FTO: variants seen among roughly 807,000 people sequenced by gnomAD.
FTO encodes FTO alpha-ketoglutarate dependent dioxygenase, also known as alpha-ketoglutarate-dependent dioxygenase FTO.
A neutral mutation model predicts 63.9 loss-of-function variants in FTO; 47 were observed. The ratio of observed to expected loss-of-function variants is 0.74; its 90% CI spans 0.58 to 0.94. FTO has a LOEUF of 0.94. FTO is among the 40% of genes least tolerant of loss of function. The pLI, the probability that FTO is intolerant of heterozygous loss-of-function variation, is 0.00. For missense variants in FTO, 562 were observed against 618.1 expected (o/e 0.91, Z 0.96); for synonymous variants, 207 against 224.4 (o/e 0.92, Z 0.69).
chr16:54,025,291 C>A (rs1171489694), intron 8 of FTO, among the ~76,000 whole-genome samples: 1 of 152,190 alleles, frequency 6.6e-6, no homozygotes, highest in African/African-American at 2.4e-5. Context: ...CAAAGGTACA[C>A]CAAACTTCTT....
intron 1 of FTO, among the ~76,000 whole-genome samples, chr16:53,706,841 T>C (rs779610633): frequency 1.3e-5 from 2 of 152,238 alleles, no homozygotes; most frequent in Non-Finnish European, 2.9e-5. Context: ...GGATTGTTTC[T>C]GGTTTTGGAC....
At chr16:54,049,029 T>C (rs1390933575) in intron 8 of FTO, among the ~76,000 whole-genome samples, 4 of 151,944 alleles carry the variant, frequency 2.6e-5, no homozygotes, top group Non-Finnish European at 5.9e-5. Context: ...TTTCTTTTTT[T>C]CCCCCCAGCA....
At chr16:53,984,321 C>CTTTTTTTT (rs5816913) in intron 8 of FTO, among the ~76,000 whole-genome samples, 3 of 67,290 alleles carry the variant, frequency 4.5e-5, no homozygotes, top group Non-Finnish European at 8.5e-5. Context: ...TGGAATGGGT[C>CTTTTTTTT]TTTTTTTTTT....
chr16:54,015,591 A>G (rs1484976377), intron 8 of FTO, among the ~76,000 whole-genome samples: 2 of 152,226 alleles, frequency 1.3e-5, no homozygotes, highest in African/African-American at 4.8e-5. Flanking sequence ...AAAAACAAAA[A>G]AGGATTTAAA....
At chr16:54,036,893 C>A (rs856979) in intron 8 of FTO, among the ~76,000 whole-genome samples, 79,626 of 152,016 alleles carry the variant, frequency 0.52, 23,122 homozygotes, top group African/African-American at 0.78. Flanking sequence ...TTTTGGTAGG[C>A]CTCTGTACGG....
chr16:53,880,734 T>C (rs1214237355), intron 6 of FTO, among the ~76,000 whole-genome samples: 1 of 152,062 alleles, frequency 6.6e-6, no homozygotes, highest in Non-Finnish European at 1.5e-5. Flanking sequence ...AAGCAGAGCT[T>C]CGTGATCTCT....
At chr16:53,839,802 TATTTATTTA>T (rs1567347021) in intron 3 of FTO, among the ~76,000 whole-genome samples, 10 of 106,644 alleles carry the variant, frequency 9.4e-5, no homozygotes, top group African/African-American at 1.8e-4. Flanking sequence ...TTTATTTATT[TATTTATTTA>T]TTTATTTATT....
chr16:54,004,427 G>A (rs1294775487), intron 8 of FTO, among the ~76,000 whole-genome samples: 1 of 150,358 alleles, frequency 6.7e-6, no homozygotes, highest in Non-Finnish European at 1.5e-5. Context: ...TAAATGTCGT[G>A]GTTTTTTTTT....
chr16:53,826,062 TAC>T lies in FTO; in HGVS notation c.323_324del (p.Tyr108SerfsTer16). On this transcript the variant is annotated frameshift_variant, in exon 3 of 9. Transcript: ENST00000471389. LOFTEE classifies it high-confidence loss of function. The stretch of plus-strand genomic sequence containing the variant: ...TGGTAATCCAGGCTGCACCTACAAG[TAC>T]CTGAACACCAGGCTCTTTACGGTCC... ...LIGNPGCTYK[Y>X]LNTRLFTVPW... is the part of the protein sequence containing the mutation. 6.2e-7 allele frequency: 1 copy of T among 1,614,102 alleles called. No individual in the cohort carries two copies. Among genetic ancestry groups the T allele is most frequent in the Non-Finnish European group, 8.5e-7 (1 of 1,180,002 alleles).
intron 8 of FTO, among the ~76,000 whole-genome samples, chr16:53,976,604 A>G (rs1053056330): frequency 1.3e-5 from 2 of 152,146 alleles, no homozygotes; most frequent in African/African-American, 4.8e-5. Flanking sequence ...CAGATTCCAT[A>G]AAAAATTTTA....
chr16:54,062,824 C>T (rs1211582198), intron 8 of FTO, among the ~76,000 whole-genome samples: 1 of 152,168 alleles, frequency 6.6e-6, no homozygotes, highest in Non-Finnish European at 1.5e-5. Flanking sequence ...GTGAAAGTGG[C>T]TGGGGATCAG....
At chr16:53,759,930 A>G (rs908632632) in intron 1 of FTO, among the ~76,000 whole-genome samples, 3 of 151,920 alleles carry the variant, frequency 2.0e-5, no homozygotes, top group Admixed American at 2.0e-4. Flanking sequence ...CCTTGGGCCA[A>G]TGCTTCAGAT....
At chr16:53,739,512 C>A (rs896033799) in intron 1 of FTO, among the ~76,000 whole-genome samples, 7 of 151,992 alleles carry the variant, frequency 4.6e-5, no homozygotes, top group African/African-American at 1.7e-4. Context: ...CTGTGCCTGG[C>A]CTACTATTAC....
intron 8 of FTO, among the ~76,000 whole-genome samples, chr16:53,967,307 G>A (rs2083218042): frequency 6.6e-6 from 1 of 151,926 alleles, no homozygotes; most frequent in Non-Finnish European, 1.5e-5. Flanking sequence ...TGAGTGAAGG[G>A]CCAGCGTTTG....
Position 54,112,107 on chromosome 16 carries a change from C to G in FTO, c.*192C>G, listed in dbSNP as rs2086905278. On this transcript the variant is annotated 3_prime_UTR_variant, in exon 9 of 9. Transcript: ENST00000471389. ...TTTTAAAATGACCCTGTGTTATAGT[C>G]TGATTTGGTGTTAAACAGGACCTTC... 1 of 633,052 alleles carries G rather than the reference C, an allele frequency of 1.6e-6. No homozygotes were observed. The highest frequency in any genetic ancestry group is 2.8e-6 in the Non-Finnish European group (1 of 361,910). 39.2% of individuals were successfully genotyped at this position (633,052 alleles called of 1,614,324 possible).
intron 8 of FTO, among the ~76,000 whole-genome samples, chr16:54,012,344 C>T (rs1275481070): frequency 1.3e-5 from 2 of 152,206 alleles, no homozygotes; most frequent in African/African-American, 4.8e-5. Flanking sequence ...AAGTGAGAAA[C>T]TGCAGAAGAA....
chr16:53,919,665 C>G (rs1041362852), intron 7 of FTO, among the ~76,000 whole-genome samples: 2 of 152,030 alleles, frequency 1.3e-5, no homozygotes, highest in Middle Eastern at 3.2e-3. Flanking sequence ...TAAAAAGAAA[C>G]AAAATAATGG....
At chr16:53,813,784 T>C (rs2078598181) in intron 2 of FTO, among the ~76,000 whole-genome samples, 1 of 152,182 alleles carries the variant, frequency 6.6e-6, no homozygotes, top group Non-Finnish European at 1.5e-5. Context: ...ATGCATGCTC[T>C]CACATGCAAT....
At chr16:53,884,813 A>G (rs908820756) in intron 6 of FTO, among the ~76,000 whole-genome samples, 1 of 152,170 alleles carries the variant, frequency 6.6e-6, no homozygotes, top group African/African-American at 2.4e-5. Flanking sequence ...TGCATGTTCA[A>G]AATCAGGGAG....
Sources: allele counts gnomAD v4.1 joint callset (sites outside exome capture counted in the v4.1 genomes callset), GRCh38; gene constraint gnomAD v4.1.1; transcripts MANE v1.5; gene names NCBI Gene and HGNC (gene_info 2026-07-23, HGNC 2026-07-21).